ATCAY: variants seen among roughly 807,000 people sequenced by gnomAD.
ATCAY encodes ATCAY kinesin light chain interacting caytaxin, also known as caytaxin.
ATCAY carries 22 observed loss-of-function variants against 47.7 expected under a neutral mutation model. That is an observed-to-expected ratio of 0.46 (90% CI 0.33 to 0.66). ATCAY has a LOEUF of 0.66. Among genes scored for constraint, ATCAY ranks in the 30% least tolerant of loss-of-function variants. The pLI is 0.02. For missense variants in ATCAY, 452 were observed against 515.0 expected (o/e 0.88, Z 1.18); for synonymous variants, 216 against 207.6 (o/e 1.04, Z -0.35).
chr19:3,919,218 C>T (rs557408371), intron 11 of ATCAY, among the ~76,000 whole-genome samples: 1 of 151,922 alleles, frequency 6.6e-6, no homozygotes, highest in Non-Finnish European at 1.5e-5. Flanking sequence ...GCAGAGGTTG[C>T]AGTGAGCCGA....
rs1398807106 is a variant in ATCAY at position 3,918,578 on chromosome 19, G to C, written c.1002-228G>C. On this transcript the variant is annotated intron_variant, in intron 10 of 12. Transcript: ENST00000450849. ...TCAAAAAAAAAAACAAAAAAAAACA[G>C]CCTTTATCATGCCAGGTCCAATGCC... Among the ~76,000 whole-genome samples the C allele has an allele frequency of 2.6e-5, 4 of 151,004 alleles. 1 individual carries two copies. The East Asian group carries it at 7.8e-4, about 29-fold the overall frequency.
intron 9 of ATCAY, among the ~76,000 whole-genome samples, chr19:3,915,606 C>CAGT (rs1263326166): frequency 6.6e-6 from 1 of 150,448 alleles, no homozygotes; most frequent in South Asian, 2.1e-4. Flanking sequence ...GGCTGGAGTG[C>CAGT]AGTGGCACGA....
chr19:3,908,403 C>A (rs1272256738), intron 6 of ATCAY, 33 bp downstream of exon 6: 2 of 1,535,480 alleles, frequency 1.3e-6, no homozygotes, highest in Non-Finnish European at 1.8e-6. Context: ...CAGCCTCGGG[C>A]CAGCTCTGAT....
intron 9 of ATCAY, among the ~76,000 whole-genome samples, chr19:3,917,532 C>G (rs1239638827): frequency 7.7e-6 from 1 of 130,308 alleles, no homozygotes; most frequent in Non-Finnish European, 1.5e-5. Flanking sequence ...TTGCAGTGAG[C>G]CAAGATCGCA....
In ATCAY at chr19:3,909,519, T is replaced by C. The variant is rs780571651; in HGVS notation, c.681T>C (p.Ala227=). The change falls in exon 7 of 13, where the codon GCT becomes GCC. Residue 227 remains alanine, a synonymous_variant. Transcript: ENST00000450849. ...YVISSLELLV[A]EDYMIVYLNG... Reference sequence around the variant, plus strand: ...TCAGCAGCTTAGAGCTCCTGGTGGCTGAGGACTACATGATCGTGTACCTGA... The same window carrying C: ...TCAGCAGCTTAGAGCTCCTGGTGGCCGAGGACTACATGATCGTGTACCTGA... The C allele has an allele frequency of 1.2e-6, 2 of 1,613,816 alleles. No homozygotes were observed. The highest frequency in any genetic ancestry group is 1.7e-6 in the Non-Finnish European group (2 of 1,179,832).
intron 8 of ATCAY, among the ~76,000 whole-genome samples, chr19:3,912,404 C>T (rs1029021498): frequency 2.6e-5 from 4 of 151,932 alleles, no homozygotes; most frequent in Non-Finnish European, 4.4e-5. Flanking sequence ...AGCTCCGCCT[C>T]CCGGGTTCAC....
intron 12 of ATCAY, 158 bp downstream of exon 12, chr19:3,920,956 A>C (rs760343332): frequency 3.0e-5 from 26 of 854,252 alleles, no homozygotes; most frequent in Non-Finnish European, 4.9e-5. Context: ...CCCATGACTT[A>C]TCGGGAGTGG....
intron 1 of ATCAY, among the ~76,000 whole-genome samples, chr19:3,881,944 A>G (rs1032630464): frequency 6.0e-5 from 8 of 133,060 alleles, no homozygotes; most frequent in Non-Finnish European, 1.1e-4. Flanking sequence ...TCCTCCAAGC[A>G]TGAATGACGA....
chr19:3,908,579 GTCCTCCTCCTCCTCCTCT>G (rs1250929272), intron 6 of ATCAY, among the ~76,000 whole-genome samples: 1 of 147,044 alleles, frequency 6.8e-6, no homozygotes, highest in African/African-American at 2.5e-5. Context: ...TCTCCTCCCC[GTCCTCCTCCTCCTCCTCT>G]TCCTCCTCCT....
intron 3 of ATCAY, 130 bp downstream of exon 3, chr19:3,902,675 A>G: frequency 9.6e-7 from 1 of 1,040,718 alleles, no homozygotes; most frequent in Non-Finnish European, 1.4e-6. Flanking sequence ...CCTGGGGTCT[A>G]TGGTGGAAGT....
chr19:3,887,037 C>T (rs1389298157), intron 2 of ATCAY, among the ~76,000 whole-genome samples: 3 of 152,132 alleles, frequency 2.0e-5, no homozygotes, highest in South Asian at 4.1e-4. Flanking sequence ...CCCCACCACA[C>T]GGAGCGCCAC....
At chr19:3,889,296 C>G (rs2038692070) in intron 2 of ATCAY, among the ~76,000 whole-genome samples, 1 of 152,182 alleles carries the variant, frequency 6.6e-6, no homozygotes, top group Non-Finnish European at 1.5e-5. Flanking sequence ...GCCTGTAATA[C>G]CAGCTACTCG....
chr19:3,915,339 AT>A (rs55746542), intron 9 of ATCAY, among the ~76,000 whole-genome samples: 108,069 of 127,226 alleles, frequency 0.85, 45,950 homozygotes, highest in East Asian at 0.96. Flanking sequence ...TGCCTGGCTA[AT>A]TTTTTTTTTT....
chr19:3,909,216 A>G (rs11671161), intron 6 of ATCAY, among the ~76,000 whole-genome samples: 64,405 of 111,934 alleles, frequency 0.58, 17,820 homozygotes, highest in East Asian at 0.88. Flanking sequence ...TAGCCTGGGC[A>G]ACAGAGCGAG....
At position 3,889,062 on chromosome 19, in the gene ATCAY, G is replaced by T. The variant is rs565085914; in HGVS notation, c.77+3218G>T. The stretch of plus-strand genomic sequence containing the variant: ...AGGCGGGAGGATCGCTTGAGCCCAG[G>T]AGTTTGAGATTAGCCTGGGCAACAT... On this transcript the variant is annotated intron_variant, in intron 2 of 12. Transcript: ENST00000450849. Among the ~76,000 whole-genome samples, 112 of 152,224 alleles carry T rather than the reference G, an allele frequency of 7.4e-4. 3 individuals are homozygous for T. The highest frequency in any genetic ancestry group is 2.4e-3 in the Admixed American group (36 of 15,250).
chr19:3,913,917 A>T, intron 9 of ATCAY, 61 bp downstream of exon 9: 1 of 1,456,840 alleles, frequency 6.9e-7, no homozygotes, highest in Non-Finnish European at 9.6e-7. Context: ...TGATAAAGAC[A>T]CACCTGAGAC....
chr19:3,880,778 C>G lies in ATCAY; in HGVS notation c.-272C>G, dbSNP rs1209161710. ...GAGGGGGCGCAGCCGCAGCCCCGCG[C>G]TGGGGAGCCCACCGCTAACCCTGCA... On this transcript the variant is annotated 5_prime_UTR_variant, in exon 1 of 13. Transcript: ENST00000450849. 3 of 152,526 alleles carry G rather than the reference C, an allele frequency of 2.0e-5. No individual in the cohort carries two copies. The highest frequency in any genetic ancestry group is 7.2e-5 in the African/African-American group (3 of 41,470). The allele number at this position is 152,526 out of a possible 1,614,324, so 9.4% of individuals were successfully genotyped here.
At chr19:3,906,160 G>T (rs1306015243) in intron 4 of ATCAY, among the ~76,000 whole-genome samples, 1 of 137,886 alleles carries the variant, frequency 7.3e-6, no homozygotes, top group Non-Finnish European at 1.6e-5. Context: ...GACAGAGCGA[G>T]ACTCCGTCTC....
chr19:3,885,109 T>TTAAAAAAAAAA (rs1555765610), intron 1 of ATCAY, among the ~76,000 whole-genome samples: 1 of 70,326 alleles, frequency 1.4e-5, no homozygotes, highest in Non-Finnish European at 2.6e-5. Flanking sequence ...TTTTTTTTTT[T>TTAAAAAAAAAA]AAAAAAAAAA....
Sources: gnomAD v4.1 joint callset for allele counts (sites outside exome capture counted in the v4.1 genomes callset) on GRCh38, gnomAD v4.1.1 for gene constraint, MANE v1.5 for transcripts, NCBI Gene and HGNC (gene_info 2026-07-23, HGNC 2026-07-21) for gene names.